The following LRFN2 variants were observed in gnomAD, a reference collection of about 807,000 sequenced individuals.
LRFN2 encodes leucine-rich repeat and fibronectin type-III domain-containing protein 2.
A neutral mutation model predicts 37.3 loss-of-function variants in LRFN2; 18 were observed. The ratio of observed to expected loss-of-function variants is 0.48; its 90% CI spans 0.33 to 0.72. The LOEUF (loss-of-function observed/expected upper bound fraction) is 0.72. LRFN2 is among the 30% of genes least tolerant of loss of function. LRFN2 has a pLI of 0.02. For missense variants in LRFN2, 1,006 were observed against 1,060.7 expected (o/e 0.95, Z 0.72); for synonymous variants, 556 against 466.6 (o/e 1.19, Z -2.47).
chr6:40,479,604 G>A (rs991337142), intron 1 of LRFN2, among the ~76,000 whole-genome samples: 1 of 152,226 alleles, frequency 6.6e-6, no homozygotes, highest in Non-Finnish European at 1.5e-5. Context: ...TTTCCTGGGA[G>A]AAGCATAATC....
At chr6:40,521,794 T>C (rs370053277) in intron 1 of LRFN2, among the ~76,000 whole-genome samples, 1 of 151,862 alleles carries the variant, frequency 6.6e-6, no homozygotes, top group Non-Finnish European at 1.5e-5. Flanking sequence ...AAGACACCGA[T>C]GAAAAGGGAG....
At chr6:40,470,791 C>A (rs73732662) in intron 1 of LRFN2, among the ~76,000 whole-genome samples, 2,055 of 152,262 alleles carry the variant, frequency 0.013, 58 homozygotes, top group African/African-American at 0.046. Context: ...CTATTCACAT[C>A]CAACACAGGC....
chr6:40,490,998 G>T (rs1765079548), intron 1 of LRFN2, among the ~76,000 whole-genome samples: 2 of 152,302 alleles, frequency 1.3e-5, no homozygotes, highest in Non-Finnish European at 2.9e-5. Flanking sequence ...CAGCCAGGAG[G>T]CCACTGTGGC....
intron 1 of LRFN2, among the ~76,000 whole-genome samples, chr6:40,500,803 G>T (rs940371345): frequency 6.6e-6 from 1 of 152,126 alleles, no homozygotes; most frequent in African/African-American, 2.4e-5. Context: ...GACTATGGAT[G>T]GACTATAGCA....
chr6:40,539,005 G>T (rs1766503171), intron 1 of LRFN2, among the ~76,000 whole-genome samples: 1 of 152,140 alleles, frequency 6.6e-6, no homozygotes, highest in South Asian at 2.1e-4. Flanking sequence ...ATGGGTGGAA[G>T]TCTGGGCTGT....
chr6:40,529,256 T>C (rs1766307170), intron 1 of LRFN2, among the ~76,000 whole-genome samples: 1 of 152,136 alleles, frequency 6.6e-6, no homozygotes, highest in African/African-American at 2.4e-5. Context: ...GACCTTTGCA[T>C]AACCCTGGAC....
chr6:40,548,270 C>T (rs1766700182), intron 1 of LRFN2, among the ~76,000 whole-genome samples: 2 of 151,942 alleles, frequency 1.3e-5, no homozygotes, highest in South Asian at 4.2e-4. Context: ...TGAAACCCTG[C>T]CTCTACTAAA....
Position 40,534,937 on chromosome 6 carries a change from A to G in LRFN2, c.-19+52004T>C, listed in dbSNP as rs75083536. 5.7e-3 allele frequency among the ~76,000 whole-genome samples: 868 copies of G among 152,330 alleles called. 11 individuals are homozygous for G. Among genetic ancestry groups the G allele is most frequent in the African/African-American group, 0.02 (830 of 41,570 alleles). On this transcript the variant is annotated intron_variant, in intron 1 of 2. Transcript: ENST00000338305. ...CACAGATGAGGCGCCTGAGGCTCAGAAAGCTGGAACCAGCTGGAACCACTT... is the reference window on the plus strand; with the variant it reads ...CACAGATGAGGCGCCTGAGGCTCAGGAAGCTGGAACCAGCTGGAACCACTT...
At chr6:40,488,265 G>A (rs1765011519) in intron 1 of LRFN2, among the ~76,000 whole-genome samples, 1 of 152,072 alleles carries the variant, frequency 6.6e-6, no homozygotes, top group South Asian at 2.1e-4. Flanking sequence ...CTGCAAGGAA[G>A]GGGTTCCAAG....
intron 1 of LRFN2, among the ~76,000 whole-genome samples, chr6:40,510,023 G>A (rs1192319352): frequency 6.7e-6 from 1 of 150,074 alleles, no homozygotes; most frequent in African/African-American, 2.5e-5. Context: ...GTGCATGCGG[G>A]TATGCCAGGG....
intron 1 of LRFN2, among the ~76,000 whole-genome samples, chr6:40,507,427 A>G (rs766547022): frequency 6.6e-6 from 1 of 152,198 alleles, no homozygotes; most frequent in Non-Finnish European, 1.5e-5. Context: ...AATCTTCACA[A>G]TGCCTTGCTG....
At chr6:40,491,353 T>A (rs1765090120) in intron 1 of LRFN2, among the ~76,000 whole-genome samples, 1 of 152,228 alleles carries the variant, frequency 6.6e-6, no homozygotes, top group Admixed American at 6.5e-5. Flanking sequence ...CTCTTGCCCT[T>A]GTCAAGGCCA....
At chr6:40,454,143 G>A (rs1359235055) in intron 1 of LRFN2, among the ~76,000 whole-genome samples, 1 of 152,158 alleles carries the variant, frequency 6.6e-6, no homozygotes, top group African/African-American at 2.4e-5. Context: ...GAAATGCAAA[G>A]GAAAACACTT....
chr6:40,549,414 T>C, intron 1 of LRFN2, among the ~76,000 whole-genome samples: 1 of 152,148 alleles, frequency 6.6e-6, no homozygotes, highest in East Asian at 1.9e-4. Context: ...GATAAAGCTA[T>C]GGAAGACAAG....
chr6:40,432,012 C>A lies in LRFN2; in HGVS notation c.1102G>T (p.Ala368Ser). ...ATGGAGACCTCCACCATGGCCGTGG[C>A]CTCTCCGGCAGCATTGGCAGCAATG... ...TCIAANAAGEATAMVEVSIVQ... is the reference protein window; with the variant it reads ...TCIAANAAGESTAMVEVSIVQ... The change falls in exon 2 of 3, where the codon GCC becomes TCC. Residue 368 changes from alanine (A) to serine (S), a missense_variant. Transcript: ENST00000338305. The A allele has an allele frequency of 6.2e-7, 1 of 1,613,816 alleles. No individual in the cohort carries two copies. Among genetic ancestry groups the A allele is most frequent in the Non-Finnish European group, 8.5e-7 (1 of 1,180,026 alleles).
At chr6:40,466,602 C>A (rs897637902) in intron 1 of LRFN2, among the ~76,000 whole-genome samples, 2 of 152,174 alleles carry the variant, frequency 1.3e-5, no homozygotes, top group African/African-American at 4.8e-5. Flanking sequence ...AAAGATACAG[C>A]ATCCTGGGCT....
chr6:40,489,820 CCTT>C (rs1173011564), intron 1 of LRFN2, among the ~76,000 whole-genome samples: 1 of 152,160 alleles, frequency 6.6e-6, no homozygotes, highest in African/African-American at 2.4e-5. Context: ...CCATCTCTGT[CCTT>C]CTGTCTCCAT....
chr6:40,413,740 T>C (rs1223091583), intron 2 of LRFN2, among the ~76,000 whole-genome samples: 2 of 152,172 alleles, frequency 1.3e-5, no homozygotes, highest in African/African-American at 4.8e-5. Flanking sequence ...CAGCCGTGGC[T>C]TTATCAGACA....
At chr6:40,463,964 C>T (rs577126547) in intron 1 of LRFN2, among the ~76,000 whole-genome samples, 4 of 152,194 alleles carry the variant, frequency 2.6e-5, no homozygotes, top group Admixed American at 2.6e-4. Context: ...CTCCTTTCCA[C>T]CTTGAACAAT....
Sources: gnomAD v4.1 joint callset for allele counts (sites outside exome capture counted in the v4.1 genomes callset) on GRCh38, gnomAD v4.1.1 for gene constraint, MANE v1.5 for transcripts, NCBI Gene and HGNC (gene_info 2026-07-23, HGNC 2026-07-21) for gene names.